Variants in CFAP97D2 observed in about 807,000 individuals in gnomAD.
CFAP97D2 encodes CFAP97 domain containing 2.
chr13:114,188,353 G>A (rs1566611678), intron 1 of CFAP97D2, among the ~76,000 whole-genome samples: 1 of 151,858 alleles, frequency 6.6e-6, no homozygotes, highest in Non-Finnish European at 1.5e-5. Flanking sequence ...AATGAAAATG[G>A]AAACACAACT....
downstream of CFAP97D2, chr13:114,222,638 G>C (rs1594525115): frequency 2.5e-6 from 1 of 396,732 alleles, no homozygotes; most frequent in East Asian, 3.6e-5. This position sits in a 1 kb window ranked among gnomAD's most constrained non-coding sequence, Gnocchi z 4.4. Flanking sequence ...CACAAGGCCA[G>C]CCATGAGCTC....
chr13:114,203,283 T>A lies in CFAP97D2; in HGVS notation c.290+2840T>A, dbSNP rs917205216. Among the ~76,000 whole-genome samples the A allele has an allele frequency of 5.3e-5, 8 of 152,150 alleles. No individual in the cohort carries two copies. The highest frequency in any genetic ancestry group is 1.9e-4 in the African/African-American group (8 of 41,428). On this transcript the variant is annotated intron_variant, in intron 3 of 4. Transcript: ENST00000646158. This position sits in a 1 kb window ranked among gnomAD's most constrained non-coding sequence, Gnocchi z 4.3. ...GTTTTTATATACTTGCAATGAGCAA[T>A]CTGAAGAGGAAACTAAGAAAACAAT...
Position 114,196,070 on chromosome 13 carries a change from G to A in CFAP97D2, c.91-326G>A, listed in dbSNP as rs926098809. Among the ~76,000 whole-genome samples, 14 of 114,182 alleles carry A rather than the reference G, an allele frequency of 1.2e-4. No homozygotes were observed. The Admixed American group carries it at 1.3e-3, about 10-fold the overall frequency. The allele number at this position is 114,182 out of a possible 152,430, so 74.9% of individuals were successfully genotyped here. ...TATGCTCCAGCCTGGGCAACAGAGC[G>A]AGACTCAAAAAAAAAAAAAAAAAAA... On this transcript the variant is annotated intron_variant, in intron 1 of 4. Transcript: ENST00000646158.
Position 114,186,599 on chromosome 13 carries a change from C to T in CFAP97D2, c.90+7179C>T, listed in dbSNP as rs775805520. 6.6e-6 allele frequency among the ~76,000 whole-genome samples: 1 copy of T among 152,212 alleles called. No homozygotes were observed. Among genetic ancestry groups the T allele is most frequent in the African/African-American group, 2.4e-5 (1 of 41,462 alleles). The stretch of plus-strand genomic sequence containing the variant: ...TCTTGGGGGGTCCCAGACCTGGGAG[C>T]TCCCTGAGCCAGGGCTGTGACTCCC... On this transcript the variant is annotated intron_variant, in intron 1 of 4. Transcript: ENST00000646158. The surrounding 1 kb of genome is among the most constrained non-coding windows in gnomAD (Gnocchi z 4.3).
At chr13:114,191,969 C>T (rs1218453884) in intron 1 of CFAP97D2, among the ~76,000 whole-genome samples, 1 of 143,524 alleles carries the variant, frequency 7.0e-6, no homozygotes, top group African/African-American at 2.6e-5. Context: ...TTGAAAGGAG[C>T]CAATGCTAAA....
chr13:114,210,534 A>C (rs2080962132), intron 3 of CFAP97D2, among the ~76,000 whole-genome samples: 4 of 145,950 alleles, frequency 2.7e-5, no homozygotes, highest in East Asian at 2.0e-4. Flanking sequence ...TGCACTTCCT[A>C]CCTCCCTCAC....
Position 114,212,512 on chromosome 13 carries a change from C to T in CFAP97D2, c.480+411C>T, listed in dbSNP as rs764776294. ...GGAGCATCGCTTGAGCTGAGGAGTT[C>T]GAGACCAGCCTGGGAAACATAGTGA... On this transcript the variant is annotated intron_variant, in intron 4 of 4. Transcript: ENST00000646158. Among the ~76,000 whole-genome samples, 6 of 151,568 alleles carry T rather than the reference C, an allele frequency of 4.0e-5. 1 individual carries two copies. Among genetic ancestry groups the T allele is most frequent in the African/African-American group, 1.2e-4 (5 of 41,224 alleles).
At chr13:114,208,659 G>A (rs2080952378) in intron 3 of CFAP97D2, among the ~76,000 whole-genome samples, 1 of 152,190 alleles carries the variant, frequency 6.6e-6, no homozygotes, top group Non-Finnish European at 1.5e-5. Context: ...GGAAGAAAAT[G>A]CTGAATTACA....
chr13:114,184,682 T>C (rs74116817), intron 1 of CFAP97D2, among the ~76,000 whole-genome samples: 3,537 of 152,226 alleles, frequency 0.023, 142 homozygotes, highest in African/African-American at 0.081. Flanking sequence ...CAAACAAAAA[T>C]TGAGGAAATC....
At chr13:114,181,731 G>A (rs188005654) in intron 1 of CFAP97D2, among the ~76,000 whole-genome samples, 82 of 152,280 alleles carry the variant, frequency 5.4e-4, no homozygotes, top group African/African-American at 1.9e-3. Context: ...TAGAATAAGA[G>A]GAGATAAAAT....
intron 3 of CFAP97D2, among the ~76,000 whole-genome samples, chr13:114,204,301 A>G (rs1475598466): frequency 3.9e-5 from 6 of 152,222 alleles, no homozygotes; most frequent in Non-Finnish European, 7.3e-5. Context: ...AGCTCGGCAC[A>G]GGAAAATTGT....
chr13:114,199,072 G>A (rs564196521), intron 2 of CFAP97D2, among the ~76,000 whole-genome samples: 1 of 71,998 alleles, frequency 1.4e-5, no homozygotes, highest in Non-Finnish European at 2.5e-5. Context: ...GCGTGACGGC[G>A]CGTCCCCGTG....
chr13:114,182,548 C>T (rs1044473919), intron 1 of CFAP97D2, among the ~76,000 whole-genome samples: 3 of 152,066 alleles, frequency 2.0e-5, no homozygotes, highest in Non-Finnish European at 4.4e-5. Flanking sequence ...GTATTTCAGA[C>T]TATCACATGG....
At chr13:114,222,932 C>T (rs974137322), downstream of CFAP97D2, 6 of 173,662 alleles carry the variant, frequency 3.5e-5, no homozygotes, top group African/African-American at 9.4e-5. The surrounding 1 kb of genome is among the most constrained non-coding windows in gnomAD (Gnocchi z 4.4). Context: ...TTTTCTCTAG[C>T]TATGAAGACT....
At position 114,211,404 on chromosome 13, in the gene CFAP97D2, G is replaced by A. The variant is rs56283106; in HGVS notation, c.291-508G>A. Among the ~76,000 whole-genome samples, 21,789 of 152,164 alleles carry A rather than the reference G, an allele frequency of 0.14. 2,132 individuals carry two copies. The highest frequency in any genetic ancestry group is 0.2 in the Non-Finnish European group (13,863 of 67,972). On this transcript the variant is annotated intron_variant, in intron 3 of 4. Transcript: ENST00000646158. This position sits in a 1 kb window ranked among gnomAD's most constrained non-coding sequence, Gnocchi z 4.2. ...TGAAGCCATTCAGTGGCTCCACACT[G>A]TCTTCCACATGTGCCAGACTCTGTG...
rs1183718728 is a variant in CFAP97D2 at position 114,186,220 on chromosome 13, C to T, written c.90+6800C>T. Among the ~76,000 whole-genome samples, 1 of 152,088 alleles carries T rather than the reference C, an allele frequency of 6.6e-6. No individual in the cohort carries two copies. The highest frequency in any genetic ancestry group is 1.9e-4 in the East Asian group (1 of 5,186). On this transcript the variant is annotated intron_variant, in intron 1 of 4. Transcript: ENST00000646158. This position sits in a 1 kb window ranked among gnomAD's most constrained non-coding sequence, Gnocchi z 4.3. Reference sequence around the variant, plus strand: ...TGACCAGCTACAGAGGGGAGCTGCACACCCCAAGGTCTCCTCTCTGCTGAG... The same window carrying T: ...TGACCAGCTACAGAGGGGAGCTGCATACCCCAAGGTCTCCTCTCTGCTGAG...
chr13:114,200,604 C>A (rs934412240), intron 3 of CFAP97D2, among the ~76,000 whole-genome samples, 161 bp downstream of exon 3: 1 of 152,200 alleles, frequency 6.6e-6, no homozygotes, highest in African/African-American at 2.4e-5. Flanking sequence ...TTTTCCTTGG[C>A]GGATTGTGAT....
At chr13:114,182,189 A>G (rs371891062) in intron 1 of CFAP97D2, among the ~76,000 whole-genome samples, 9,384 of 118,034 alleles carry the variant, frequency 0.08, 1,211 homozygotes, top group Non-Finnish European at 0.11. Context: ...AAAAGAGTCT[A>G]TGTCGTAATT....
At chr13:114,196,776 T>G (rs561292714) in intron 2 of CFAP97D2, among the ~76,000 whole-genome samples, 3 of 152,324 alleles carry the variant, frequency 2.0e-5, no homozygotes, top group African/African-American at 7.2e-5. Context: ...CCCCAGGAAG[T>G]CCTTGAAAAC....
Sources: allele counts gnomAD v4.1 joint callset (sites outside exome capture counted in the v4.1 genomes callset), GRCh38; gene constraint gnomAD v4.1.1; non-coding constraint Gnocchi (gnomAD v3.1); transcripts MANE v1.5; gene names NCBI Gene and HGNC (gene_info 2026-07-23, HGNC 2026-07-21).